Variants in FAM110B observed in about 807,000 individuals in gnomAD.
The protein encoded by FAM110B is protein FAM110B.
In FAM110B, 6 loss-of-function variants were observed where a neutral mutation model predicts 20.4. The observed-to-expected ratio is 0.29, with a 90% CI of 0.16 to 0.58. The LOEUF (loss-of-function observed/expected upper bound fraction) is 0.58, where lower values mean the gene tolerates loss of function less well. Among genes scored for constraint, FAM110B ranks in the 20% least tolerant of loss-of-function variants. FAM110B has a pLI of 0.90. For missense variants in FAM110B, 434 were observed against 498.2 expected (o/e 0.87, Z 1.23); for synonymous variants, 226 against 214.1 (o/e 1.06, Z -0.49).
At position 58,146,157 on chromosome 8, in the gene FAM110B, C is replaced by T. The variant is rs1266038339; in HGVS notation, c.-74C>T. The T allele has an allele frequency of 8.7e-6, 13 of 1,502,302 alleles. No individual in the cohort carries two copies. Among genetic ancestry groups the T allele is most frequent in the Non-Finnish European group, 1.2e-5 (13 of 1,123,476 alleles). 93.1% of individuals were successfully genotyped at this position (1,502,302 alleles called of 1,614,324 possible). A position where few individuals can be genotyped will look rare whatever the true frequency, so the allele number is the denominator to read the frequency against. Reference sequence around the variant, plus strand: ...CCCGCCGCCCTTGGCGCTTCATGTACATGTGTCTATTCAGGCCTTGCGGAG... The same window carrying T: ...CCCGCCGCCCTTGGCGCTTCATGTATATGTGTCTATTCAGGCCTTGCGGAG... On this transcript the variant is annotated 5_prime_UTR_variant, in exon 4 of 4. Transcript: ENST00000519262.
intron 3 of FAM110B, among the ~76,000 whole-genome samples, chr8:58,093,047 T>C (rs879603465): frequency 1.1e-4 from 17 of 152,226 alleles, no homozygotes; most frequent in Non-Finnish European, 2.5e-4. Flanking sequence ...AATGTCTTCT[T>C]TTGAAAATTG....
intron 1 of FAM110B, among the ~76,000 whole-genome samples, chr8:57,995,139 G>GGGGTTGGAGCCA (rs1804156718): frequency 6.6e-6 from 1 of 152,158 alleles, no homozygotes; most frequent in African/African-American, 2.4e-5. Context: ...GGCTGGAGCC[G>GGGGTTGGAGCCA]GGGTTGGAGC....
chr8:58,063,464 T>C (rs1409328674), intron 2 of FAM110B, among the ~76,000 whole-genome samples: 1 of 134,318 alleles, frequency 7.4e-6, no homozygotes, highest in African/African-American at 3.5e-5. Context: ...TGAGTCCTCA[T>C]ACATCATTTG....
At chr8:58,131,510 A>T (rs1803464585) in intron 3 of FAM110B, among the ~76,000 whole-genome samples, 1 of 152,156 alleles carries the variant, frequency 6.6e-6, no homozygotes, top group Non-Finnish European at 1.5e-5. Context: ...CTCCAAACTC[A>T]TGAAACAAGC....
intron 2 of FAM110B, among the ~76,000 whole-genome samples, chr8:58,031,961 C>T (rs1439151794): frequency 2.0e-5 from 3 of 152,200 alleles, no homozygotes; most frequent in Non-Finnish European, 4.4e-5. Context: ...TTTATTCCAA[C>T]TTCCCATGCC....
intron 3 of FAM110B, among the ~76,000 whole-genome samples, chr8:58,140,464 C>T (rs1051680522): frequency 5.3e-5 from 8 of 152,176 alleles, no homozygotes; most frequent in South Asian, 2.1e-4. Context: ...TCAACCATTA[C>T]GGGGCAGAAC....
intron 1 of FAM110B, among the ~76,000 whole-genome samples, chr8:58,005,904 T>G (rs1804392938): frequency 6.6e-6 from 1 of 152,222 alleles, no homozygotes; most frequent in Non-Finnish European, 1.5e-5. Context: ...TAACAGAAGA[T>G]AGTTATTTGA....
Position 58,098,547 on chromosome 8 carries a change from G to A in FAM110B, c.-325+22924G>A, listed in dbSNP as rs190582543. On this transcript the variant is annotated intron_variant, in intron 3 of 3. Transcript: ENST00000519262. ...TGGCTTCAGCCCCGTTTCCAGGGGA[G>A]TGAACGGTTCTGTCTTGCTGGCATT... Among the ~76,000 whole-genome samples the A allele has an allele frequency of 5.2e-4, 79 of 152,308 alleles. 2 individuals are homozygous for A. In the East Asian group the frequency reaches 6.8e-3, roughly 13 times the overall value.
chr8:58,049,536 T>C (rs1805398137), intron 2 of FAM110B, among the ~76,000 whole-genome samples: 1 of 152,110 alleles, frequency 6.6e-6, no homozygotes, highest in Non-Finnish European at 1.5e-5. Context: ...GCACAGCAGA[T>C]GGATTGACGG....
At chr8:58,052,233 T>C (rs1421356639) in intron 2 of FAM110B, among the ~76,000 whole-genome samples, 2 of 152,212 alleles carry the variant, frequency 1.3e-5, no homozygotes. Context: ...GCAGTGGAAC[T>C]TGAAATGAAA....
intron 1 of FAM110B, among the ~76,000 whole-genome samples, chr8:58,020,858 A>G (rs1804736938): frequency 6.6e-6 from 1 of 152,014 alleles, no homozygotes; most frequent in Non-Finnish European, 1.5e-5. Flanking sequence ...TTCTCTCCTT[A>G]TTACTGCGAG....
intron 2 of FAM110B, among the ~76,000 whole-genome samples, chr8:58,060,857 T>A (rs987617886): frequency 2.0e-5 from 3 of 152,190 alleles, no homozygotes; most frequent in African/African-American, 7.2e-5. Context: ...CTCTCAAGCA[T>A]GAGAGCTCAA....
chr8:58,107,797 A>T (rs189500635), intron 3 of FAM110B, among the ~76,000 whole-genome samples: 1 of 152,354 alleles, frequency 6.6e-6, no homozygotes, highest in East Asian at 1.9e-4. Flanking sequence ...CCACATCATT[A>T]TGCTGTGCTC....
intron 3 of FAM110B, among the ~76,000 whole-genome samples, chr8:58,097,493 T>A (rs1220585202): frequency 1.3e-5 from 2 of 152,202 alleles, no homozygotes; most frequent in African/African-American, 4.8e-5. Flanking sequence ...TAGAACATGC[T>A]CCTTTAGCTT....
chr8:58,089,188 A>G (rs1806412115), intron 3 of FAM110B, among the ~76,000 whole-genome samples: 1 of 152,198 alleles, frequency 6.6e-6, no homozygotes, highest in Admixed American at 6.5e-5. Flanking sequence ...ATCATAAAGT[A>G]TTTCTTCACT....
chr8:58,047,578 A>T (rs1359415791), intron 2 of FAM110B, among the ~76,000 whole-genome samples: 1 of 82,290 alleles, frequency 1.2e-5, no homozygotes, highest in Non-Finnish European at 2.8e-5. Context: ...AATTGTAATT[A>T]ATCTTCCTTT....
chr8:58,147,441 G>A lies in FAM110B; in HGVS notation c.*98G>A, dbSNP rs1803895809. On this transcript the variant is annotated 3_prime_UTR_variant, in exon 4 of 4. Coordinates refer to ENST00000519262, the MANE Select transcript of FAM110B (RefSeq NM_001377989.1). ...AGTGTTGTGAGCTTCTCCACTCTTT[G>A]TGTTGCTTGTTGTGCAATGTTTTCA... 7.1e-7 allele frequency: 1 copy of A among 1,405,576 alleles called. No homozygotes were observed. Among genetic ancestry groups the A allele is most frequent in the Non-Finnish European group, 9.7e-7 (1 of 1,035,040 alleles). The allele number at this position is 1,405,576 out of a possible 1,614,324, so 87.1% of individuals were successfully genotyped here.
At chr8:58,073,899 G>A (rs1192093536) in intron 2 of FAM110B, among the ~76,000 whole-genome samples, 2 of 152,136 alleles carry the variant, frequency 1.3e-5, no homozygotes, top group Non-Finnish European at 2.9e-5. Context: ...ATTTGGAGGG[G>A]GAGTCCACTT....
chr8:58,088,434 C>T (rs1285224945), intron 3 of FAM110B, among the ~76,000 whole-genome samples: 1 of 152,162 alleles, frequency 6.6e-6, no homozygotes, highest in Non-Finnish European at 1.5e-5. Context: ...CTGAATTCAA[C>T]GAAATGTGTT....
Sources: gnomAD v4.1 joint callset for allele counts (sites outside exome capture counted in the v4.1 genomes callset) on GRCh38, gnomAD v4.1.1 for gene constraint, MANE v1.5 for transcripts, NCBI Gene and HGNC (gene_info 2026-07-23, HGNC 2026-07-21) for gene names.